CRACD: variants seen among roughly 807,000 people sequenced by gnomAD.
CRACD encodes the protein capping protein-inhibiting regulator of actin dynamics.
Under a neutral mutation model 106.8 loss-of-function variants are expected in CRACD, and 56 were observed. The ratio of observed to expected loss-of-function variants is 0.52; its 90% CI spans 0.42 to 0.66. The LOEUF is 0.66. Among genes scored for constraint, CRACD ranks in the 30% least tolerant of loss-of-function variants. The pLI, the probability that CRACD is intolerant of heterozygous loss-of-function variation, is 0.00. For synonymous variants in CRACD, 754 were observed against 670.8 expected (o/e 1.12, Z -1.92); for missense variants, 1,730 against 1,623.2 (o/e 1.07, Z -1.13).
intron 4 of CRACD, among the ~76,000 whole-genome samples, chr4:56,304,065 A>G (rs897433835): frequency 3.9e-5 from 6 of 152,040 alleles, no homozygotes; most frequent in African/African-American, 1.2e-4. Context: ...CGTGATAGAT[A>G]CATTCTGCTT....
At chr4:56,137,969 T>C (rs1461924150) in intron 1 of CRACD, among the ~76,000 whole-genome samples, 2 of 152,222 alleles carry the variant, frequency 1.3e-5, no homozygotes, top group African/African-American at 4.8e-5. Flanking sequence ...TTCACTTTAT[T>C]GGATAGCTTT....
intron 2 of CRACD, among the ~76,000 whole-genome samples, chr4:56,255,664 A>G (rs569028446): frequency 6.6e-6 from 1 of 152,180 alleles, no homozygotes; most frequent in South Asian, 2.1e-4. Context: ...TTTACGGGCC[A>G]TCCATGTCAG....
intron 4 of CRACD, among the ~76,000 whole-genome samples, chr4:56,301,766 C>A (rs1744383293): frequency 6.6e-6 from 1 of 151,868 alleles, no homozygotes; most frequent in Admixed American, 6.6e-5. Context: ...CAGCAAAAAC[C>A]AGCCTCCCCT....
At chr4:56,079,282 G>A (rs1449170047) in intron 1 of CRACD, among the ~76,000 whole-genome samples, 1 of 151,196 alleles carries the variant, frequency 6.6e-6, no homozygotes, top group Admixed American at 6.6e-5. Flanking sequence ...TATATGTAAA[G>A]ATGTCTCCTT....
At chr4:56,117,017 A>ATTTTTT (rs751420774) in intron 1 of CRACD, among the ~76,000 whole-genome samples, 4 of 96,256 alleles carry the variant, frequency 4.2e-5, no homozygotes, top group African/African-American at 3.9e-5. Context: ...CGAATTTTTA[A>ATTTTTT]TTTTTTTTTT....
chr4:56,207,071 T>G (rs1279559517), intron 2 of CRACD, among the ~76,000 whole-genome samples: 1 of 152,046 alleles, frequency 6.6e-6, no homozygotes, highest in Non-Finnish European at 1.5e-5. Context: ...CCAACTAAAA[T>G]AAAATAGATC....
rs190291612 is a variant in CRACD, at chr4:56,261,476, C to T, written c.-188-10845C>T. Among the ~76,000 whole-genome samples the T allele has an allele frequency of 4.6e-5, 7 of 151,828 alleles. No individual in the cohort carries two copies. The East Asian group carries it at 5.8e-4, about 13-fold the overall frequency. ...AGTGACTCTCCTGCCTCAGCCTCCCCAGTAGCTTGGATTACAGGTGCCCAC... is the reference window on the plus strand; with the variant it reads ...AGTGACTCTCCTGCCTCAGCCTCCCTAGTAGCTTGGATTACAGGTGCCCAC... On this transcript the variant is annotated intron_variant, in intron 2 of 10. Transcript: ENST00000682029.
chr4:56,113,820 C>T (rs575094699), intron 1 of CRACD, among the ~76,000 whole-genome samples: 71 of 152,180 alleles, frequency 4.7e-4, no homozygotes, highest in African/African-American at 1.6e-3. Context: ...GATTAGAATT[C>T]GCACAAAAAG....
At chr4:56,318,444 ACTGG>A (rs1368319114) in intron 8 of CRACD, among the ~76,000 whole-genome samples, 1 of 152,162 alleles carries the variant, frequency 6.6e-6, no homozygotes, top group African/African-American at 2.4e-5. Context: ...TGTTTGTGGC[ACTGG>A]CTTTCATAGT....
rs1164482922 is a variant in CRACD at position 56,329,328 on chromosome 4, C to T, written c.*1524C>T. Among the ~76,000 whole-genome samples the T allele has an allele frequency of 6.6e-6, 1 of 152,200 alleles. No homozygotes were observed. The highest frequency in any genetic ancestry group is 3.2e-3 in the Middle Eastern group (1 of 316). On this transcript the variant is annotated 3_prime_UTR_variant, in exon 11 of 11. Transcript: ENST00000682029. ...GAATTACATCCTTTTTCCTCTCCTA[C>T]AAAAACATGCTTTATTAAGTATCCA...
chr4:56,146,344 A>T (rs1735378931), intron 1 of CRACD, among the ~76,000 whole-genome samples: 1 of 151,584 alleles, frequency 6.6e-6, no homozygotes, highest in African/African-American at 2.4e-5. Context: ...TATTTGTCTG[A>T]TATGTATTTT....
At chr4:56,142,995 T>A (rs1735257485) in intron 1 of CRACD, among the ~76,000 whole-genome samples, 1 of 151,716 alleles carries the variant, frequency 6.6e-6, no homozygotes, top group African/African-American at 2.4e-5. Flanking sequence ...ATTTTTCTCT[T>A]TCAAATTTTT....
rs747094624 is a variant in CRACD, at chr4:56,316,211, T to C, written c.2709T>C (p.Gly903=). ...TGGAGGGTGTGGCCCTCAAGCATGG[T>C]CCATCCCTCCCCCAAGAGCGGAAGC... ...KEMEGVALKH[G]PSLPQERKQA... Residue 903 remains glycine (G), a synonymous_variant, in exon 8 of 11, where the codon GGT becomes GGC. Transcript: ENST00000682029. The C allele has an allele frequency of 7.4e-6, 12 of 1,613,814 alleles. No homozygotes were observed. Among genetic ancestry groups the C allele is most frequent in the Middle Eastern group, 3.3e-4 (2 of 6,082 alleles).
intron 1 of CRACD, among the ~76,000 whole-genome samples, chr4:56,086,732 C>T (rs769443320): frequency 6.6e-6 from 1 of 152,120 alleles, no homozygotes; most frequent in South Asian, 2.1e-4. Context: ...TTCCTCTTAT[C>T]GTTTCTCCAT....
At chr4:56,270,179 A>G (rs1389739489) in intron 2 of CRACD, among the ~76,000 whole-genome samples, 3 of 151,502 alleles carry the variant, frequency 2.0e-5, no homozygotes, top group Admixed American at 6.6e-5. Flanking sequence ...GCTGCTTAGG[A>G]TGAAATAGTT....
intron 1 of CRACD, among the ~76,000 whole-genome samples, chr4:56,085,569 G>A (rs1452338676): frequency 2.6e-5 from 4 of 152,198 alleles, no homozygotes; most frequent in Non-Finnish European, 5.9e-5. Context: ...GGGCCAGATA[G>A]CAAATTAATT....
At chr4:56,297,648 T>C (rs1744127956) in intron 3 of CRACD, among the ~76,000 whole-genome samples, 1 of 152,104 alleles carries the variant, frequency 6.6e-6, no homozygotes, top group Admixed American at 6.5e-5. Flanking sequence ...CTATAAGGTG[T>C]TCCATATATG....
intron 2 of CRACD, among the ~76,000 whole-genome samples, chr4:56,213,328 C>T (rs1345532976): frequency 1.3e-5 from 2 of 152,138 alleles, no homozygotes; most frequent in African/African-American, 4.8e-5. Context: ...TGCCTGTAAT[C>T]CCAGCCACTC....
intron 1 of CRACD, among the ~76,000 whole-genome samples, chr4:56,146,536 A>G (rs953600943): frequency 6.7e-6 from 1 of 149,026 alleles, no homozygotes; most frequent in Admixed American, 6.7e-5. Flanking sequence ...GTCATTTAGC[A>G]TTAGGTATAT....
Sources: gnomAD v4.1 joint callset for allele counts (sites outside exome capture counted in the v4.1 genomes callset) on GRCh38, gnomAD v4.1.1 for gene constraint, MANE v1.5 for transcripts, NCBI Gene and HGNC (gene_info 2026-07-23, HGNC 2026-07-21) for gene names.